EYS: variants seen among roughly 807,000 people sequenced by gnomAD.
The protein encoded by EYS is protein eyes shut homolog.
Under a neutral mutation model 282.1 loss-of-function variants are expected in EYS, and 250 were observed. That is an observed-to-expected ratio of 0.89 (90% CI 0.80 to 0.98). EYS has a LOEUF of 0.98. Ranked by LOEUF, EYS falls within the 50% of genes least tolerant of loss-of-function variation. EYS has a pLI of 0.00. For missense variants in EYS, 4,016 were observed against 3,709.0 expected, an observed-to-expected ratio of 1.08 and a Z score of -2.15; for synonymous variants, 1,355 against 1,282.9, an observed-to-expected ratio of 1.06 and a Z score of -1.20.
chr6:63,804,783 C>A (rs1156752312), intron 37 of EYS, among the ~76,000 whole-genome samples: 1 of 152,142 alleles, frequency 6.6e-6, no homozygotes, highest in Non-Finnish European at 1.5e-5. Flanking sequence ...CAGACATGAT[C>A]TAATAAACCT....
At chr6:64,265,320 CTAA>C (rs1767721046) in intron 30 of EYS, among the ~76,000 whole-genome samples, 1 of 152,100 alleles carries the variant, frequency 6.6e-6, no homozygotes, top group African/African-American at 2.4e-5. Flanking sequence ...AAAGAAAAGA[CTAA>C]TAATATGTTG....
intron 2 of EYS, among the ~76,000 whole-genome samples, chr6:65,498,627 T>C (rs912725691): frequency 1.3e-5 from 2 of 151,828 alleles, no homozygotes; most frequent in African/African-American, 2.4e-5. Flanking sequence ...TTCCACCTTG[T>C]GAAAATTTAA....
In EYS at chr6:64,775,051, C is replaced by T. The variant is rs78797158; in HGVS notation, c.3443+38327G>A. 8.2e-4 allele frequency among the ~76,000 whole-genome samples: 125 copies of T among 152,020 alleles called. 1 individual carries two copies. The East Asian group carries it at 0.02, about 24-fold the overall frequency. On this transcript the variant is annotated intron_variant, in intron 22 of 42. Coordinates refer to ENST00000503581, the MANE Select transcript of EYS (RefSeq NM_001142800.2). ...GCAAACTCGAATGCCTAGAGATGTC[C>T]GTGACAGATAATGTAAACAAGTGAA...
At chr6:64,404,649 G>C (rs1773650218) in intron 28 of EYS, among the ~76,000 whole-genome samples, 1 of 152,110 alleles carries the variant, frequency 6.6e-6, no homozygotes, top group African/African-American at 2.4e-5. Context: ...TCAAGGGAGA[G>C]GACAATATGC....
At chr6:64,508,789 A>G (rs1408225154) in intron 26 of EYS, among the ~76,000 whole-genome samples, 2 of 151,946 alleles carry the variant, frequency 1.3e-5, no homozygotes, top group East Asian at 1.9e-4. Flanking sequence ...GTTGCTACCT[A>G]AGCTCTCCAG....
At chr6:64,230,303 T>C (rs1487881835) in intron 31 of EYS, among the ~76,000 whole-genome samples, 1 of 152,160 alleles carries the variant, frequency 6.6e-6, no homozygotes. Flanking sequence ...TCACCATAAT[T>C]TTAGAAGTAA....
intron 40 of EYS, among the ~76,000 whole-genome samples, chr6:63,775,869 T>G (rs1370177625): frequency 1.3e-5 from 2 of 152,200 alleles, no homozygotes; most frequent in Non-Finnish European, 2.9e-5. Flanking sequence ...TAAAATTCAC[T>G]TGTTTTAAGT....
chr6:63,959,540 C>G (rs1765965336), intron 35 of EYS, among the ~76,000 whole-genome samples: 1 of 152,124 alleles, frequency 6.6e-6, no homozygotes, highest in Non-Finnish European at 1.5e-5. Context: ...ACAAATTATT[C>G]TACTATAAAG....
chr6:65,150,969 C>G (rs1199908990), intron 12 of EYS, among the ~76,000 whole-genome samples: 1 of 151,882 alleles, frequency 6.6e-6, no homozygotes, highest in Non-Finnish European at 1.5e-5. Flanking sequence ...TGAACTTTTT[C>G]CTAAGTGAAA....
At chr6:64,360,875 A>G (rs1038979368) in intron 29 of EYS, among the ~76,000 whole-genome samples, 4 of 151,662 alleles carry the variant, frequency 2.6e-5, no homozygotes, top group African/African-American at 7.3e-5. Context: ...TTTCAGTGCA[A>G]TATGTTAGCA....
intron 37 of EYS, among the ~76,000 whole-genome samples, chr6:63,799,967 G>A (rs1044675854): frequency 1.3e-5 from 2 of 152,214 alleles, no homozygotes; most frequent in East Asian, 3.8e-4. Context: ...GGTTGTTTAT[G>A]CACTGTTGGA....
chr6:65,106,307 T>A (rs9453181), intron 12 of EYS, among the ~76,000 whole-genome samples: 3,310 of 152,122 alleles, frequency 0.022, 83 homozygotes, highest in African/African-American at 0.061. Flanking sequence ...CTATGACCCT[T>A]ATTTTTTCTT....
At position 64,970,709 on chromosome 6, in the gene EYS, T is replaced by C. The variant is rs529432612; in HGVS notation, c.2260-24795A>G. Among the ~76,000 whole-genome samples, 9 of 152,300 alleles carry C rather than the reference T, an allele frequency of 5.9e-5. No homozygotes were observed. The South Asian group carries it at 1.9e-3, about 32-fold the overall frequency. ...ATACGTAAACCTTGAATAACACCAC[T>C]GAACCCATATGAAGTGCCACTAGTG... On this transcript the variant is annotated intron_variant, in intron 14 of 42. Transcript: ENST00000503581.
intron 8 of EYS, among the ~76,000 whole-genome samples, chr6:65,371,754 T>C (rs1765160689): frequency 6.7e-6 from 1 of 149,516 alleles, no homozygotes; most frequent in South Asian, 2.1e-4. Context: ...TGTGTGTGTG[T>C]GTGTGTGTGT....
intron 26 of EYS, among the ~76,000 whole-genome samples, chr6:64,586,669 G>T (rs1048479692): frequency 6.6e-6 from 1 of 151,964 alleles, no homozygotes; most frequent in Non-Finnish European, 1.5e-5. Flanking sequence ...AGTAAATTAC[G>T]TTATTAAATA....
intron 31 of EYS, among the ~76,000 whole-genome samples, chr6:64,092,486 A>G (rs1333243582): frequency 6.6e-6 from 1 of 151,804 alleles, no homozygotes; most frequent in Non-Finnish European, 1.5e-5. Flanking sequence ...TTTGATTTGC[A>G]TTTCTCTGAT....
intron 29 of EYS, among the ~76,000 whole-genome samples, chr6:64,368,896 T>A (rs756853543): frequency 6.6e-6 from 1 of 152,154 alleles, no homozygotes; most frequent in Admixed American, 6.6e-5. Context: ...GTGCAGGAGC[T>A]CTTTAGCTTA....
chr6:63,790,669 G>A (rs1770487726), intron 37 of EYS, among the ~76,000 whole-genome samples: 1 of 152,210 alleles, frequency 6.6e-6, no homozygotes, highest in Admixed American at 6.5e-5. Flanking sequence ...AAGGCAGTTA[G>A]AAAGGCAGAA....
intron 39 of EYS, among the ~76,000 whole-genome samples, chr6:63,780,925 A>G (rs1026498470): frequency 4.6e-5 from 7 of 152,206 alleles, no homozygotes; most frequent in Non-Finnish European, 8.8e-5. Context: ...TAATTTTTGT[A>G]TAAGGTGTAA....
Sources: gnomAD v4.1 joint callset for allele counts (sites outside exome capture counted in the v4.1 genomes callset) on GRCh38, gnomAD v4.1.1 for gene constraint, MANE v1.5 for transcripts, NCBI Gene and HGNC (gene_info 2026-07-23, HGNC 2026-07-21) for gene names.